The following ST3GAL3 variants were observed in gnomAD, a reference collection of about 807,000 sequenced individuals.
ST3GAL3 encodes the protein ST3 beta-galactoside alpha-2,3-sialyltransferase 3.
In ST3GAL3, 21 loss-of-function variants were observed where a neutral mutation model predicts 50.1. The ratio of observed to expected loss-of-function variants is 0.42; its 90% confidence interval spans 0.30 to 0.60. ST3GAL3 has a LOEUF of 0.60. Ranked by LOEUF, ST3GAL3 falls within the 20% of genes least tolerant of loss-of-function variation. The pLI is 0.19. For synonymous variants in ST3GAL3, 183 were observed against 190.0 expected, an observed-to-expected ratio of 0.96 and a Z score of 0.30; for missense variants, 353 against 489.4, an observed-to-expected ratio of 0.72 and a Z score of 2.63.
chr1:43,920,063 G>A, intron 9 of ST3GAL3: 1 of 375,794 alleles, frequency 2.7e-6, no homozygotes, highest in Non-Finnish European at 5.1e-6. Flanking sequence ...AGGCAGGGCA[G>A]CTGCACTGCT....
chr1:43,721,113 T>C (rs2154072210), intron 1 of ST3GAL3, among the ~76,000 whole-genome samples: 1 of 151,930 alleles, frequency 6.6e-6, no homozygotes, highest in South Asian at 2.1e-4. Flanking sequence ...GGTGTGGTAG[T>C]GCATACCTGT....
chr1:43,724,544 G>C (rs554498272), intron 1 of ST3GAL3, among the ~76,000 whole-genome samples: 1 of 151,976 alleles, frequency 6.6e-6, no homozygotes, highest in South Asian at 2.1e-4. Context: ...CTATATTTGA[G>C]GCACTATGCT....
intron 2 of ST3GAL3, among the ~76,000 whole-genome samples, chr1:43,757,458 A>G (rs1688551230): frequency 6.6e-6 from 1 of 152,224 alleles, no homozygotes. Context: ...ATAAAGATAG[A>G]TATATAGATC....
chr1:43,799,114 T>C (rs80325941), intron 3 of ST3GAL3, among the ~76,000 whole-genome samples: 5,233 of 152,332 alleles, frequency 0.034, 138 homozygotes, highest in Middle Eastern at 0.075. Flanking sequence ...TGTACGTTCA[T>C]ACATATACAG....
At chr1:43,751,252 T>C (rs1455484479) in intron 2 of ST3GAL3, among the ~76,000 whole-genome samples, 1 of 152,208 alleles carries the variant, frequency 6.6e-6, no homozygotes, top group African/African-American at 2.4e-5. Context: ...TTTAGAATTA[T>C]AATGCCCTGT....
intron 4 of ST3GAL3, among the ~76,000 whole-genome samples, chr1:43,826,758 A>T (rs1038497725): frequency 2.6e-5 from 4 of 152,224 alleles, no homozygotes; most frequent in Non-Finnish European, 5.9e-5. Context: ...GCCAAGTGGG[A>T]TTTATTCCAG....
chr1:43,807,076 C>A lies in ST3GAL3; in HGVS notation c.167-7815C>A, dbSNP rs148697292. 1.4e-4 allele frequency among the ~76,000 whole-genome samples: 22 copies of A among 152,310 alleles called. No homozygotes were observed. In the East Asian group the frequency reaches 1.7e-3, roughly 12 times the overall value. ...GTTGGAGAAAGATAAAACAGTTCAGCCTCGCAGGAACATTGAATATGGCAG... is the reference window on the plus strand; with the variant it reads ...GTTGGAGAAAGATAAAACAGTTCAGACTCGCAGGAACATTGAATATGGCAG... On this transcript the variant is annotated intron_variant, in intron 3 of 11. Transcript: ENST00000347631.
intron 1 of ST3GAL3, among the ~76,000 whole-genome samples, chr1:43,714,051 G>A (rs1157001936): frequency 6.7e-6 from 1 of 148,964 alleles, no homozygotes; most frequent in Non-Finnish European, 1.5e-5. Flanking sequence ...ATTATCTGAG[G>A]TTAGGAGTTC....
chr1:43,744,687 TAAAATAAAATAAA>T (rs1682768275), intron 2 of ST3GAL3, among the ~76,000 whole-genome samples: 1 of 135,434 alleles, frequency 7.4e-6, no homozygotes, highest in South Asian at 2.3e-4. Context: ...AATAAATAAA[TAAAATAAAATAAA>T]AAATAAAATA....
chr1:43,734,888 G>T (rs1035321433), intron 1 of ST3GAL3, among the ~76,000 whole-genome samples: 1 of 152,070 alleles, frequency 6.6e-6, no homozygotes, highest in African/African-American at 2.4e-5. Context: ...CTGACCCAGG[G>T]CAGTCTTCTT....
intron 5 of ST3GAL3, among the ~76,000 whole-genome samples, chr1:43,868,753 G>A (rs1461359223): frequency 2.0e-5 from 3 of 151,620 alleles, no homozygotes; most frequent in Non-Finnish European, 4.4e-5. Flanking sequence ...TTTCTCCCAC[G>A]CCTTCTGTTC....
At chr1:43,746,355 G>C (rs1683643667) in intron 2 of ST3GAL3, among the ~76,000 whole-genome samples, 1 of 152,192 alleles carries the variant, frequency 6.6e-6, no homozygotes, top group African/African-American at 2.4e-5. Flanking sequence ...AATGGGTTCA[G>C]AGTTTCAGTT....
At position 43,863,988 on chromosome 1, in the gene ST3GAL3, T is replaced by C. The variant is rs200332954; in HGVS notation, c.302+25677T>C. Among the ~76,000 whole-genome samples the C allele has an allele frequency of 8.4e-4, 3 of 3,582 alleles. No homozygotes were observed. In the East Asian group the frequency reaches 0.065, roughly 78 times the overall value. The allele number at this position is 3,582 out of a possible 152,430, so 2.3% of individuals were successfully genotyped here. On this transcript the variant is annotated intron_variant, in intron 5 of 11. Transcript: ENST00000347631. The stretch of plus-strand genomic sequence containing the variant: ...TAGGGGAGAGTGACAGATAAGAAAC[T>C]TGAGTGGGGGCCGGGCGTGGTGGCT...
At chr1:43,812,277 C>G (rs904364118) in intron 3 of ST3GAL3, among the ~76,000 whole-genome samples, 1 of 152,180 alleles carries the variant, frequency 6.6e-6, no homozygotes. Flanking sequence ...TAATGCGGGG[C>G]CTGCGTTGCT....
intron 4 of ST3GAL3, among the ~76,000 whole-genome samples, chr1:43,830,072 A>G (rs933378343): frequency 1.5e-5 from 2 of 134,052 alleles, no homozygotes; most frequent in African/African-American, 2.8e-5. Context: ...CAGTAGTGCA[A>G]TCTCAGCTTA....
At chr1:43,929,630 A>G (rs2084701306) in intron 11 of ST3GAL3, among the ~76,000 whole-genome samples, 1 of 152,150 alleles carries the variant, frequency 6.6e-6, no homozygotes, top group Admixed American at 6.5e-5. Context: ...AAGATTTGCC[A>G]TCTCTCCGCA....
intron 4 of ST3GAL3, among the ~76,000 whole-genome samples, chr1:43,817,525 TTCCTTCTTCTCCTTC>T (rs2154179806): frequency 6.8e-6 from 1 of 147,590 alleles, no homozygotes; most frequent in Admixed American, 6.7e-5. Flanking sequence ...TTCATTCTTC[TTCCTTCTTCTCCTTC>T]TCCTTCTTCT....
intron 2 of ST3GAL3, among the ~76,000 whole-genome samples, chr1:43,739,528 T>C (rs1471775863): frequency 6.6e-6 from 1 of 152,198 alleles, no homozygotes; most frequent in Non-Finnish European, 1.5e-5. Flanking sequence ...GGCTAGAGTT[T>C]TTATTATTAT....
intron 4 of ST3GAL3, chr1:43,824,824 C>A: frequency 8.0e-7 from 1 of 1,242,386 alleles, no homozygotes; most frequent in Non-Finnish European, 1.2e-6. Context: ...CTGCATCCCA[C>A]CCTCTAGAGA....
Sources: allele counts gnomAD v4.1 joint callset (sites outside exome capture counted in the v4.1 genomes callset), GRCh38; gene constraint gnomAD v4.1.1; transcripts MANE v1.5; gene names NCBI Gene and HGNC (gene_info 2026-07-23, HGNC 2026-07-21).